AUTS2: variants seen among roughly 807,000 people sequenced by gnomAD.
The protein encoded by AUTS2 is autism susceptibility gene 2 protein.
In AUTS2, 17 loss-of-function variants were observed where a neutral mutation model predicts 112.4. The observed-to-expected ratio is 0.15, with a 90% CI of 0.10 to 0.23. AUTS2 has a LOEUF of 0.23. Ranked by LOEUF, AUTS2 falls within the 10% of genes least tolerant of loss-of-function variation. AUTS2 has a pLI of 1.00. For missense variants in AUTS2, 1,510 were observed against 1,701.6 expected (o/e 0.89, Z 1.98); for synonymous variants, 751 against 702.7 (o/e 1.07, Z -1.09).
chr7:70,505,554 G>C (rs1798927189), intron 5 of AUTS2, among the ~76,000 whole-genome samples: 1 of 152,104 alleles, frequency 6.6e-6, no homozygotes, highest in African/African-American at 2.4e-5. Context: ...TTAAATCAAG[G>C]GTCATAAGTG....
chr7:70,420,770 G>T (rs1388373798), intron 4 of AUTS2, among the ~76,000 whole-genome samples: 1 of 152,214 alleles, frequency 6.6e-6, no homozygotes, highest in Non-Finnish European at 1.5e-5. Context: ...GCACATCAGT[G>T]ATACGGTAAG....
In AUTS2 at chr7:69,742,560, T is replaced by A. The variant is rs571223014; in HGVS notation, c.309+142598T>A. Among the ~76,000 whole-genome samples the A allele has an allele frequency of 3.9e-5, 6 of 152,316 alleles. No homozygotes were observed. The South Asian group carries it at 1.2e-3, about 32-fold the overall frequency. On this transcript the variant is annotated intron_variant, in intron 1 of 18. Coordinates refer to ENST00000342771, the MANE Select transcript of AUTS2 (RefSeq NM_015570.4). Reference sequence around the variant, plus strand: ...TGACTAACTTTTTACATTATTTTCTTAAAACTTTGATTTCATTGAGATTGG... The same window carrying A: ...TGACTAACTTTTTACATTATTTTCTAAAAACTTTGATTTCATTGAGATTGG...
At chr7:69,663,575 A>G (rs1359387852) in intron 1 of AUTS2, among the ~76,000 whole-genome samples, 3 of 152,196 alleles carry the variant, frequency 2.0e-5, no homozygotes, top group Middle Eastern at 3.2e-3. Flanking sequence ...TGAAGTCCCA[A>G]CACTTGTGCT....
chr7:69,829,435 C>A (rs11771899), intron 1 of AUTS2, among the ~76,000 whole-genome samples: 11,543 of 152,104 alleles, frequency 0.076, 590 homozygotes, highest in African/African-American at 0.14. Flanking sequence ...ACAAAAGAAA[C>A]TATCATCAGA....
At chr7:70,716,076 G>A (rs1233080453) in intron 6 of AUTS2, among the ~76,000 whole-genome samples, 6 of 152,340 alleles carry the variant, frequency 3.9e-5, no homozygotes, top group East Asian at 3.9e-4. Context: ...GGAATTAATC[G>A]AAAATCTGAT....
At chr7:69,810,890 C>A (rs932133202) in intron 1 of AUTS2, among the ~76,000 whole-genome samples, 2 of 151,944 alleles carry the variant, frequency 1.3e-5, no homozygotes, top group Non-Finnish European at 2.9e-5. Context: ...AATATTATAC[C>A]CCTAATTCTA....
intron 5 of AUTS2, among the ~76,000 whole-genome samples, chr7:70,640,283 T>G (rs1805743996): frequency 6.6e-6 from 1 of 151,882 alleles, no homozygotes; most frequent in Admixed American, 6.6e-5. Context: ...GTGGCCCGGA[T>G]GGTAGGAAGA....
chr7:70,708,649 G>A (rs10276074), intron 6 of AUTS2, among the ~76,000 whole-genome samples: 37,218 of 151,454 alleles, frequency 0.25, 5,225 homozygotes, highest in East Asian at 0.58. Flanking sequence ...GGTGAGCCCC[G>A]AAGGGTCAGC....
At chr7:70,524,288 A>G (rs1014016585) in intron 5 of AUTS2, among the ~76,000 whole-genome samples, 1 of 152,216 alleles carries the variant, frequency 6.6e-6, no homozygotes, top group African/African-American at 2.4e-5. Context: ...GCCTGGGGGA[A>G]GTCCTGACTC....
At chr7:69,742,063 A>T (rs1487300963) in intron 1 of AUTS2, among the ~76,000 whole-genome samples, 1 of 151,328 alleles carries the variant, frequency 6.6e-6, no homozygotes, top group Non-Finnish European at 1.5e-5. Flanking sequence ...CAGCCTCTGA[A>T]AGTGCTGGGA....
intron 1 of AUTS2, among the ~76,000 whole-genome samples, chr7:69,747,720 C>A (rs1476709425): frequency 6.7e-6 from 1 of 150,024 alleles, no homozygotes; most frequent in African/African-American, 2.5e-5. Flanking sequence ...CAGTTTTTGT[C>A]ATTGTGTGTG....
chr7:69,614,771 A>G (rs1411816419), intron 1 of AUTS2, among the ~76,000 whole-genome samples: 1 of 152,096 alleles, frequency 6.6e-6, no homozygotes, highest in Non-Finnish European at 1.5e-5. Context: ...GGTGTGAGCC[A>G]CTGCGCCCAT....
In AUTS2 at chr7:69,891,774, C is replaced by CTTTTTTTTTTTTTTTTT. The variant is rs763424098; in HGVS notation, c.310-7491_310-7475dup. Among the ~76,000 whole-genome samples, 15 of 26,736 alleles carry CTTTTTTTTTTTTTTTTT rather than the reference C, an allele frequency of 5.6e-4. 7 individuals carry two copies. The highest frequency in any genetic ancestry group is 1.1e-3 in the Non-Finnish European group (14 of 12,792). 17.5% of individuals were successfully genotyped at this position (26,736 alleles called of 152,430 possible). A position where few individuals can be genotyped will look rare whatever the true frequency, so the allele number is the denominator to read the frequency against. Reference sequence around the variant, plus strand: ...ATTCATTCACTTTCCAGACAGATATCTTTTTTTTTTTTTTTTTTTTTTTTT... The same window carrying CTTTTTTTTTTTTTTTTT: ...ATTCATTCACTTTCCAGACAGATATCTTTTTTTTTTTTTTTTTTTTTTTTTTTTTTTTTTTTTTTTTT... On this transcript the variant is annotated intron_variant, in intron 1 of 18. Transcript: ENST00000342771.
At chr7:70,665,594 C>G (rs372173900) in intron 5 of AUTS2, among the ~76,000 whole-genome samples, 28 of 152,242 alleles carry the variant, frequency 1.8e-4, no homozygotes, top group African/African-American at 6.7e-4. Context: ...AGCCACCACA[C>G]CCAGGCAGAA....
chr7:70,400,073 C>A (rs982045480), intron 4 of AUTS2, among the ~76,000 whole-genome samples: 1 of 152,206 alleles, frequency 6.6e-6, no homozygotes. Context: ...AACTAGTCAG[C>A]ACTGAATTAT....
Position 70,037,003 on chromosome 7 carries a change from C to A in AUTS2, c.523-81129C>A, listed in dbSNP as rs555773754. Among the ~76,000 whole-genome samples, 20 of 152,188 alleles carry A rather than the reference C, an allele frequency of 1.3e-4. 1 individual carries two copies. The South Asian group carries it at 3.7e-3, about 28-fold the overall frequency. On this transcript the variant is annotated intron_variant, in intron 2 of 18. Coordinates refer to ENST00000342771, the MANE Select transcript of AUTS2 (RefSeq NM_015570.4). ...GAACTCAGTCCTGGTAAATATTTGA[C>A]AGGTGTTTTAAAAAAATAATTATAT...
chr7:70,605,546 C>CTTTTTTTTT, intron 5 of AUTS2, among the ~76,000 whole-genome samples: 23 of 70,658 alleles, frequency 3.3e-4, no homozygotes, highest in African/African-American at 4.0e-4. Context: ...CCTTCTTTCT[C>CTTTTTTTTT]TTTTTTTTTT....
At chr7:70,496,095 G>GAC (rs1256510829) in intron 5 of AUTS2, among the ~76,000 whole-genome samples, 1 of 54,126 alleles carries the variant, frequency 1.8e-5, no homozygotes, top group African/African-American at 7.6e-5. Context: ...TACACAGTCA[G>GAC]ACACACACCC....
intron 5 of AUTS2, among the ~76,000 whole-genome samples, chr7:70,441,315 A>G (rs1240916003): frequency 6.6e-6 from 1 of 152,316 alleles, no homozygotes; most frequent in East Asian, 1.9e-4. Flanking sequence ...TACTGGCACA[A>G]TGGCTAACTG....
Sources: gnomAD v4.1 joint callset for allele counts (sites outside exome capture counted in the v4.1 genomes callset) on GRCh38, gnomAD v4.1.1 for gene constraint, MANE v1.5 for transcripts, NCBI Gene and HGNC (gene_info 2026-07-23, HGNC 2026-07-21) for gene names.